Variants in HMGB1 observed in about 807,000 individuals in gnomAD.
HMGB1 encodes the protein high mobility group box 1.
For synonymous variants in HMGB1, 81 were observed against 84.0 expected (o/e 0.96, Z 0.19); for missense variants, 79 against 253.5 (o/e 0.31, Z 4.67).
At chr13:30,475,679 G>A (rs956382335) in intron 1 of HMGB1, among the ~76,000 whole-genome samples, 5 of 152,090 alleles carry the variant, frequency 3.3e-5, no homozygotes, top group African/African-American at 9.7e-5. Flanking sequence ...CATCCAGCCT[G>A]GGCAACAGAG....
At chr13:30,552,683 C>A (rs1869483840) in intron 1 of HMGB1, among the ~76,000 whole-genome samples, 1 of 152,218 alleles carries the variant, frequency 6.6e-6, no homozygotes, top group Admixed American at 6.5e-5. Context: ...TACTACCCAG[C>A]ATTCGTTGGT....
At chr13:30,462,753 C>A in intron 3 of HMGB1, 41 bp from the exon 4 acceptor site, 2 of 1,531,066 alleles carry the variant, frequency 1.3e-6, no homozygotes, top group South Asian at 1.1e-5. Flanking sequence ...GTTAACAGAT[C>A]ACAAAAACAA....
intron 1 of HMGB1, among the ~76,000 whole-genome samples, chr13:30,481,316 A>G (rs1368065342): frequency 6.6e-6 from 1 of 152,104 alleles, no homozygotes; most frequent in Non-Finnish European, 1.5e-5. Flanking sequence ...GCAACAGAAA[A>G]AGAGAATGCC....
intron 1 of HMGB1, among the ~76,000 whole-genome samples, chr13:30,519,221 C>G (rs149508653): frequency 6.6e-6 from 1 of 150,850 alleles, no homozygotes; most frequent in African/African-American, 2.4e-5. Flanking sequence ...GGTGAAACCC[C>G]GTCTCTATTA....
At chr13:30,466,916 C>G (rs1190601971), upstream of HMGB1, among the ~76,000 whole-genome samples, 2 of 152,188 alleles carry the variant, frequency 1.3e-5, no homozygotes, top group Non-Finnish European at 2.9e-5. Context: ...CTATCTTTCC[C>G]TCCCATCACA....
At chr13:30,561,165 T>A (rs61947782) in intron 1 of HMGB1, among the ~76,000 whole-genome samples, 2,454 of 151,952 alleles carry the variant, frequency 0.016, 40 homozygotes, top group Middle Eastern at 0.034. Flanking sequence ...TAAAAAAAAG[T>A]AGGAGGAAAA....
intron 1 of HMGB1, among the ~76,000 whole-genome samples, chr13:30,577,526 G>A (rs1026828091): frequency 6.6e-6 from 1 of 152,066 alleles, no homozygotes; most frequent in Non-Finnish European, 1.5e-5. Context: ...CCTTCTCTCT[G>A]TTACCGCAGA....
At position 30,458,855 on chromosome 13, in the gene HMGB1, T is replaced by C. The variant is rs948427105; in HGVS notation, c.*2502A>G. On this transcript the variant is annotated 3_prime_UTR_variant, in exon 5 of 5. Transcript: ENST00000341423. The stretch of plus-strand genomic sequence containing the variant: ...AATACAGCAAACATTAACAACACTG[T>C]GATGGGACGATCATCAGAACTGTGG... The C allele has an allele frequency of 2.6e-5, 4 of 152,206 alleles. No individual in the cohort carries two copies. Among genetic ancestry groups the C allele is most frequent in the Admixed American group, 1.3e-4 (2 of 15,270 alleles). 9.4% of individuals were successfully genotyped at this position (152,206 alleles called of 1,614,324 possible).
intron 1 of HMGB1, among the ~76,000 whole-genome samples, chr13:30,599,190 C>T (rs536981922): frequency 2.6e-5 from 4 of 152,282 alleles, no homozygotes; most frequent in East Asian, 3.9e-4. Flanking sequence ...CACTACAGGC[C>T]GGGCACAACG....
intron 1 of HMGB1, among the ~76,000 whole-genome samples, chr13:30,613,833 T>G (rs1950535337): frequency 6.6e-6 from 1 of 152,004 alleles, no homozygotes; most frequent in Non-Finnish European, 1.5e-5. Context: ...TATATTCACA[T>G]ATGTGGAGAA....
chr13:30,593,485 A>T (rs1323899), intron 1 of HMGB1, among the ~76,000 whole-genome samples: 81,914 of 152,082 alleles, frequency 0.54, 24,823 homozygotes, highest in African/African-American at 0.82. Flanking sequence ...GAAAGCCACA[A>T]AAGTTCACCT....
At position 30,553,902 on chromosome 13, in the gene HMGB1, G is replaced by C. The variant is rs185957922; in HGVS notation, c.-15+62769C>G. The stretch of plus-strand genomic sequence containing the variant: ...TAATGCCAGCTTAGTTGACATAGAA[G>C]AGGCACGAAGGAGTTACATCTTAAC... On this transcript the variant is annotated intron_variant, in intron 1 of 4. Coordinates refer to the HMGB1 transcript ENST00000405805. 111 of 1,376,244 alleles carry C rather than the reference G, an allele frequency of 8.1e-5. No individual in the cohort carries two copies. The East Asian group carries it at 1.9e-3, about 24-fold the overall frequency. The allele number at this position is 1,376,244 out of a possible 1,614,324, so 85.3% of individuals were successfully genotyped here.
intron 1 of HMGB1, among the ~76,000 whole-genome samples, chr13:30,576,903 T>C (rs1870680159): frequency 6.6e-6 from 1 of 152,190 alleles, no homozygotes; most frequent in Non-Finnish European, 1.5e-5. Context: ...ATTGTCGCTG[T>C]CATGGACTGA....
chr13:30,584,687 G>C (rs576343422), intron 1 of HMGB1, among the ~76,000 whole-genome samples: 1 of 152,114 alleles, frequency 6.6e-6, no homozygotes, highest in African/African-American at 2.4e-5. Context: ...GATTTTTGCA[G>C]TATTTTCTAA....
At chr13:30,471,330 T>TTTTTTTGTTTTTTTG (rs1886922161) in intron 1 of HMGB1, among the ~76,000 whole-genome samples, 1 of 151,748 alleles carries the variant, frequency 6.6e-6, no homozygotes, top group Non-Finnish European at 1.5e-5. Flanking sequence ...CAATGGTTGG[T>TTTTTTTGTTTTTTTG]TTTTTTGTTT....
chr13:30,492,994 C>CAAAA (rs1022752871), intron 1 of HMGB1, among the ~76,000 whole-genome samples: 2 of 40,432 alleles, frequency 4.9e-5, no homozygotes, highest in Admixed American at 2.7e-4. Context: ...GACTACATCT[C>CAAAA]AAAAAAAAAA....
intron 1 of HMGB1, among the ~76,000 whole-genome samples, chr13:30,499,371 T>A (rs1313124121): frequency 6.6e-6 from 1 of 152,218 alleles, no homozygotes. Context: ...TGGCCTGAAA[T>A]GGGTCTGTTG....
chr13:30,466,048 G>C, upstream of HMGB1: 1 of 659,224 alleles, frequency 1.5e-6, no homozygotes, highest in Non-Finnish European at 1.9e-6. Context: ...GGCTGTCTCC[G>C]GGGACACGTC....
At chr13:30,607,346 G>A (rs892563861) in intron 1 of HMGB1, among the ~76,000 whole-genome samples, 2 of 152,216 alleles carry the variant, frequency 1.3e-5, no homozygotes, top group African/African-American at 4.8e-5. Flanking sequence ...TGGTGCGAAA[G>A]GACTGGATCA....
Sources: gnomAD v4.1 joint callset for allele counts (sites outside exome capture counted in the v4.1 genomes callset) on GRCh38, gnomAD v4.1.1 for gene constraint, MANE v1.5 for transcripts, NCBI Gene and HGNC (gene_info 2026-07-23, HGNC 2026-07-21) for gene names.